BTC: variants seen among roughly 807,000 people sequenced by gnomAD.
BTC encodes the protein probetacellulin.
Under a neutral mutation model 18.1 loss-of-function variants are expected in BTC, and 13 were observed. The observed-to-expected ratio is 0.72, with a 90% CI of 0.47 to 1.14. The LOEUF (loss-of-function observed/expected upper bound fraction) is 1.14, where lower values mean the gene tolerates loss of function less well. BTC is among the 50% of genes most tolerant of loss of function. BTC has a pLI of 0.00. For synonymous variants in BTC, 83 were observed against 79.4 expected (o/e 1.05, Z -0.24); for missense variants, 247 against 224.2 (o/e 1.10, Z -0.65).
chr4:74,750,880 A>T (rs577045688), intron 3 of BTC, among the ~76,000 whole-genome samples, 161 bp from the exon 4 acceptor site: 8 of 151,522 alleles, frequency 5.3e-5, no homozygotes, highest in African/African-American at 1.9e-4. Flanking sequence ...AGTAATTTCA[A>T]TTTTTTTTTG....
In BTC at chr4:74,748,115, C is replaced by T. The variant is rs181948052; in HGVS notation, c.463G>A (p.Glu155Lys). 15 of 1,609,806 alleles carry T rather than the reference C, an allele frequency of 9.3e-6. No individual in the cohort carries two copies. In the Admixed American group the frequency reaches 2.5e-4, roughly 27 times the overall value. Residue 155 changes from glutamate to lysine, a missense_variant, in exon 5 of 6, where the codon GAA (glutamate) becomes AAA (lysine). Transcript: ENST00000395743. ...TTACCCAGAGTTTCCATTTCTTCTT[C>T]TTTCTTCTTTCTTTTACGACGTTTC... is the stretch of plus-strand genomic sequence containing the variant. ...LRKRRKRKKK[E>K]EEMETLGKDI... is the part of the protein sequence containing the mutation.
chr4:74,770,016 A>G, intron 2 of BTC, 42 bp downstream of exon 2: 1 of 1,502,998 alleles, frequency 6.7e-7, no homozygotes, highest in East Asian at 2.3e-5. Flanking sequence ...ATTATCAGAA[A>G]ATTAAAACTC....
At chr4:74,776,482 T>C (rs976946208) in intron 1 of BTC, among the ~76,000 whole-genome samples, 1 of 152,218 alleles carries the variant, frequency 6.6e-6, no homozygotes, top group East Asian at 1.9e-4. Flanking sequence ...AATCCAATTG[T>C]ACTTCAGTGA....
At position 74,745,094 on chromosome 4, in the gene BTC, G is replaced by C. The variant is rs1240040527; in HGVS notation, c.*1583C>G. On this transcript the variant is annotated 3_prime_UTR_variant, in exon 6 of 6. Transcript: ENST00000395743. ...GAAGACTACATAAGAGAAAGGGCAT[G>C]AATGAGCTTAAATGAGACTTTTGAA... 6.6e-6 allele frequency: 1 copy of C among 152,222 alleles called. No homozygotes were observed. Among genetic ancestry groups the C allele is most frequent in the African/African-American group, 2.4e-5 (1 of 41,462 alleles). The allele number at this position is 152,222 out of a possible 1,614,324, so 9.4% of individuals were successfully genotyped here.
intron 1 of BTC, among the ~76,000 whole-genome samples, chr4:74,784,357 T>C (rs1365585088): frequency 6.6e-6 from 1 of 152,122 alleles, no homozygotes; most frequent in Admixed American, 6.6e-5. Flanking sequence ...GTTTTCTACA[T>C]ATAGGATCCT....
intron 2 of BTC, among the ~76,000 whole-genome samples, chr4:74,757,015 A>G (rs1724619200): frequency 6.6e-6 from 1 of 152,198 alleles, no homozygotes. Flanking sequence ...ACAACTAACA[A>G]GCCAGCTCCA....
chr4:74,782,301 T>A (rs1375372831), intron 1 of BTC, among the ~76,000 whole-genome samples: 1 of 152,168 alleles, frequency 6.6e-6, no homozygotes, highest in Non-Finnish European at 1.5e-5. Flanking sequence ...TTACCCACTA[T>A]GTGTCCATGT....
chr4:74,755,161 G>A (rs1724566123), intron 3 of BTC, among the ~76,000 whole-genome samples: 1 of 152,094 alleles, frequency 6.6e-6, no homozygotes, highest in African/African-American at 2.4e-5. Flanking sequence ...ATATACTGGG[G>A]CAACTGTGCA....
At chr4:74,755,779 C>A in intron 3 of BTC, 80 bp downstream of exon 3, 1 of 1,336,296 alleles carries the variant, frequency 7.5e-7, no homozygotes. Context: ...ATGGTTAGCT[C>A]ACACTTTCCA....
chr4:74,793,297 G>A (rs926925450), intron 1 of BTC, among the ~76,000 whole-genome samples: 3 of 152,104 alleles, frequency 2.0e-5, no homozygotes, highest in African/African-American at 7.2e-5. Flanking sequence ...TTACTCCAAG[G>A]ACACAGTCAA....
At chr4:74,757,153 C>A (rs1413408264) in intron 2 of BTC, among the ~76,000 whole-genome samples, 1 of 152,116 alleles carries the variant, frequency 6.6e-6, no homozygotes, top group East Asian at 1.9e-4. Context: ...TGGTATGGCA[C>A]CTGGCATCCC....
intron 1 of BTC, among the ~76,000 whole-genome samples, chr4:74,771,653 GAAAGAAAT>G (rs1553958229): frequency 2.0e-5 from 3 of 152,144 alleles, no homozygotes; most frequent in Non-Finnish European, 4.4e-5. Flanking sequence ...TGTTTTCAAA[GAAAGAAAT>G]GTACCTAACA....
At position 74,774,358 on chromosome 4, in the gene BTC, C is replaced by G. The variant is rs116190059; in HGVS notation, c.65-4202G>C. Among the ~76,000 whole-genome samples the G allele has an allele frequency of 7.4e-3, 1,132 of 152,128 alleles. 6 individuals are homozygous for G. The highest frequency in any genetic ancestry group is 0.014 in the Middle Eastern group (4 of 294). Reference sequence around the variant, plus strand: ...GTCAGCAGATAAAGTCTAAGCCTGACAAGTCAAGAAGTTGCATTATAAGGA... The same window carrying G: ...GTCAGCAGATAAAGTCTAAGCCTGAGAAGTCAAGAAGTTGCATTATAAGGA... On this transcript the variant is annotated intron_variant, in intron 1 of 5. Coordinates refer to ENST00000395743, the MANE Select transcript of BTC (RefSeq NM_001729.4).
intron 1 of BTC, among the ~76,000 whole-genome samples, chr4:74,781,501 C>T (rs909444841): frequency 6.6e-6 from 1 of 151,774 alleles, no homozygotes; most frequent in African/African-American, 2.4e-5. Context: ...GTGGCCTCTT[C>T]TTTAGCCTCA....
chr4:74,780,639 A>C (rs1392368144), intron 1 of BTC, among the ~76,000 whole-genome samples: 1 of 152,170 alleles, frequency 6.6e-6, no homozygotes, highest in Non-Finnish European at 1.5e-5. Flanking sequence ...TACCCTTCAT[A>C]GTAAGATATC....
At position 74,766,132 on chromosome 4, in the gene BTC, G is replaced by A. The variant is rs144656303; in HGVS notation, c.163+3926C>T. Among the ~76,000 whole-genome samples, 408 of 152,092 alleles carry A rather than the reference G, an allele frequency of 2.7e-3. 1 individual carries two copies. The highest frequency in any genetic ancestry group is 9.3e-3 in the African/African-American group (388 of 41,516). ...TCTGTATAAGGCACTTACTATGAAA[G>A]GAACTTGCAAGACTAGAAGCTGCTC... On this transcript the variant is annotated intron_variant, in intron 2 of 5. Coordinates refer to ENST00000395743, the MANE Select transcript of BTC (RefSeq NM_001729.4).
chr4:74,787,766 A>G (rs1046648533), intron 1 of BTC, among the ~76,000 whole-genome samples: 7 of 152,202 alleles, frequency 4.6e-5, no homozygotes, highest in African/African-American at 1.7e-4. Context: ...AATCTTTCAC[A>G]GTGTTAGTTC....
chr4:74,758,384 T>C (rs4352548), intron 2 of BTC, among the ~76,000 whole-genome samples: 23,527 of 151,792 alleles, frequency 0.15, 2,302 homozygotes, highest in Middle Eastern at 0.24. Context: ...TATAAGAGAG[T>C]ATAGACTGGG....
intron 1 of BTC, among the ~76,000 whole-genome samples, chr4:74,792,829 T>C (rs1427701538): frequency 2.0e-5 from 3 of 152,242 alleles, no homozygotes; most frequent in Non-Finnish European, 4.4e-5. Flanking sequence ...GCCCCCGCTG[T>C]TGAGCTCTTT....
Sources: gnomAD v4.1 joint callset for allele counts (sites outside exome capture counted in the v4.1 genomes callset) on GRCh38, gnomAD v4.1.1 for gene constraint, MANE v1.5 for transcripts, NCBI Gene and HGNC (gene_info 2026-07-23, HGNC 2026-07-21) for gene names.